Variants in VWA3B observed in about 807,000 individuals in gnomAD.
VWA3B encodes the protein von Willebrand factor A domain-containing protein 3B.
VWA3B carries 138 observed loss-of-function variants against 158.3 expected under a neutral mutation model. That is an observed-to-expected ratio of 0.87 (90% CI 0.76 to 1.00). VWA3B has a LOEUF of 1.00. Among genes scored for constraint, VWA3B ranks in the 50% least tolerant of loss-of-function variants. The probability of loss-of-function intolerance (pLI) is 0.00; values close to 1 mark genes in which losing one functional copy is unlikely to be tolerated. For missense variants in VWA3B, 1,555 were observed against 1,565.1 expected (o/e 0.99, Z 0.11); for synonymous variants, 596 against 587.3 (o/e 1.01, Z -0.21).
chr2:98,120,368 A>G (rs561777297), intron 4 of VWA3B, among the ~76,000 whole-genome samples: 4 of 152,346 alleles, frequency 2.6e-5, no homozygotes, highest in South Asian at 2.1e-4. Context: ...GGAAGGATCT[A>G]CCTCATTCAG....
intron 2 of VWA3B, among the ~76,000 whole-genome samples, chr2:98,100,218 C>T (rs1452618792): frequency 6.6e-6 from 1 of 152,226 alleles, no homozygotes; most frequent in African/African-American, 2.4e-5. Flanking sequence ...TGGGAATATC[C>T]TTCATTAGTA....
At chr2:98,258,255 T>C (rs1329511494) in intron 21 of VWA3B, among the ~76,000 whole-genome samples, 2 of 151,926 alleles carry the variant, frequency 1.3e-5, no homozygotes, top group Non-Finnish European at 2.9e-5. Flanking sequence ...TTTTAATTAT[T>C]GTAGATTTGT....
chr2:98,232,548 G>T (rs905464760), intron 16 of VWA3B, among the ~76,000 whole-genome samples: 1 of 152,074 alleles, frequency 6.6e-6, no homozygotes, highest in African/African-American at 2.4e-5. Flanking sequence ...TTTTCTGATT[G>T]AAGGTGTGAT....
Position 98,265,510 on chromosome 2 carries a change from G to A in VWA3B, c.2844-5172G>A, listed in dbSNP as rs1403250266. 2.0e-5 allele frequency among the ~76,000 whole-genome samples: 3 copies of A among 152,134 alleles called. No homozygotes were observed. In the East Asian group the frequency reaches 5.8e-4, roughly 29 times the overall value. The stretch of plus-strand genomic sequence containing the variant: ...ATAATGCCTCAATAAACATACGTGT[G>A]CGTGTGTCTTTATAGCAGCATGATT... On this transcript the variant is annotated intron_variant, in intron 21 of 27. Transcript: ENST00000477737.
chr2:98,289,396 T>A (rs1689358091), intron 22 of VWA3B, among the ~76,000 whole-genome samples: 1 of 152,180 alleles, frequency 6.6e-6, no homozygotes, highest in Non-Finnish European at 1.5e-5. Flanking sequence ...AGGGATATGA[T>A]CAGAAATTCC....
chr2:98,287,021 A>AT (rs1689205029), intron 22 of VWA3B, among the ~76,000 whole-genome samples: 1 of 152,204 alleles, frequency 6.6e-6, no homozygotes, highest in South Asian at 2.1e-4. Flanking sequence ...AGACAGGAAG[A>AT]TTTAGCCTCC....
At chr2:98,292,918 C>A (rs1034617981) in intron 23 of VWA3B, among the ~76,000 whole-genome samples, 5 of 151,848 alleles carry the variant, frequency 3.3e-5, no homozygotes, top group Non-Finnish European at 5.9e-5. Context: ...GAGCCAAGAT[C>A]TTGCCACTGC....
At chr2:98,277,783 G>A (rs935012420) in intron 22 of VWA3B, among the ~76,000 whole-genome samples, 1 of 152,188 alleles carries the variant, frequency 6.6e-6, no homozygotes, top group African/African-American at 2.4e-5. Context: ...ATCATTTGCT[G>A]TTGAGAACAT....
At chr2:98,256,073 A>G (rs369970831) in intron 20 of VWA3B, 51 bp from the exon 21 acceptor site, 8 of 1,607,016 alleles carry the variant, frequency 5.0e-6, no homozygotes, top group Non-Finnish European at 5.1e-6. Flanking sequence ...ACCTTTTGCC[A>G]TGAAATGAAG....
Position 98,125,062 on chromosome 2 carries a change from G to A in VWA3B, c.703-3177G>A, listed in dbSNP as rs946834167. 1.3e-5 allele frequency among the ~76,000 whole-genome samples: 2 copies of A among 152,232 alleles called. No individual in the cohort carries two copies. Among genetic ancestry groups the A allele is most frequent in the Non-Finnish European group, 2.9e-5 (2 of 68,048 alleles). On this transcript the variant is annotated intron_variant, in intron 5 of 27. Coordinates refer to ENST00000477737, the MANE Select transcript of VWA3B (RefSeq NM_144992.5). The surrounding 1 kb of genome is among the most constrained non-coding windows in gnomAD (Gnocchi z 4.1). ...CAGCATTTAGGGAAATGTGGTCGGTGAGGAAGCTACTCCTGGACTGAAGGC... is the reference window on the plus strand; with the variant it reads ...CAGCATTTAGGGAAATGTGGTCGGTAAGGAAGCTACTCCTGGACTGAAGGC...
intron 1 of VWA3B, among the ~76,000 whole-genome samples, chr2:98,090,607 T>C (rs189093967): frequency 7.9e-5 from 12 of 152,296 alleles, no homozygotes; most frequent in Admixed American, 1.3e-4. Flanking sequence ...CTCCAAGTAA[T>C]ATTGCAATAT....
intron 21 of VWA3B, among the ~76,000 whole-genome samples, chr2:98,256,880 T>TAATGATCA (rs1687186233): frequency 6.6e-6 from 1 of 152,222 alleles, no homozygotes; most frequent in Non-Finnish European, 1.5e-5. Flanking sequence ...TGCACACATG[T>TAATGATCA]AATGATCAAA....
At chr2:98,315,732 G>T (rs1454046085), downstream of VWA3B, among the ~76,000 whole-genome samples, 1 of 152,112 alleles carries the variant, frequency 6.6e-6, no homozygotes, top group Non-Finnish European at 1.5e-5. Context: ...CTAGACAAGA[G>T]AAATCAATTA....
At chr2:98,177,013 G>T (rs1213867869) in intron 8 of VWA3B, among the ~76,000 whole-genome samples, 1 of 152,194 alleles carries the variant, frequency 6.6e-6, no homozygotes, top group East Asian at 1.9e-4. Flanking sequence ...AGTGGAGGAG[G>T]CTGGGAGAAG....
chr2:98,185,176 T>C (rs1276907996), intron 9 of VWA3B, among the ~76,000 whole-genome samples: 1 of 152,212 alleles, frequency 6.6e-6, no homozygotes, highest in Non-Finnish European at 1.5e-5. Flanking sequence ...CCAGCCCCCC[T>C]GTCTGACCAA....
intron 7 of VWA3B, among the ~76,000 whole-genome samples, chr2:98,145,470 C>T (rs932251023): frequency 1.2e-4 from 19 of 152,292 alleles, no homozygotes; most frequent in African/African-American, 4.3e-4. Context: ...ATGGCAGAGT[C>T]AGGATTCAAA....
intron 7 of VWA3B, among the ~76,000 whole-genome samples, chr2:98,140,634 G>C (rs541466844): frequency 6.6e-6 from 1 of 152,264 alleles, no homozygotes; most frequent in South Asian, 2.1e-4. Context: ...GCTGGAGAGG[G>C]TAAGGGGCAC....
At chr2:98,093,719 A>G (rs1682518145) in intron 2 of VWA3B, among the ~76,000 whole-genome samples, 1 of 152,164 alleles carries the variant, frequency 6.6e-6, no homozygotes, top group Admixed American at 6.5e-5. Context: ...TATGATCACC[A>G]TACTGTACAA....
intron 8 of VWA3B, 46 bp downstream of exon 8, chr2:98,163,022 A>G: frequency 6.2e-7 from 1 of 1,606,924 alleles, no homozygotes; most frequent in Non-Finnish European, 8.5e-7. Context: ...CATAAATGTT[A>G]CTAGCTGGGG....
Sources: gnomAD v4.1 joint callset for allele counts (sites outside exome capture counted in the v4.1 genomes callset) on GRCh38, gnomAD v4.1.1 for gene constraint, Gnocchi (gnomAD v3.1) non-coding constraint, MANE v1.5 for transcripts, NCBI Gene and HGNC (gene_info 2026-07-23, HGNC 2026-07-21) for gene names.